ASH1L: variants seen among roughly 807,000 people sequenced by gnomAD.
ASH1L encodes ASH1 like histone lysine methyltransferase.
In ASH1L, 23 loss-of-function variants were observed where a neutral mutation model predicts 269.0. That is an observed-to-expected ratio of 0.09 (90% CI 0.06 to 0.12). ASH1L has a LOEUF of 0.12. ASH1L is among the 10% of genes least tolerant of loss of function. The probability of loss-of-function intolerance (pLI) is 1.00; values close to 1 mark genes in which losing one functional copy is unlikely to be tolerated. For missense variants in ASH1L, 2,912 were observed against 3,567.8 expected, an observed-to-expected ratio of 0.82 and a Z score of 4.68; for synonymous variants, 1,187 against 1,253.5, an observed-to-expected ratio of 0.95 and a Z score of 1.12.
chr1:155,498,574 T>C (rs185921754), intron 2 of ASH1L, among the ~76,000 whole-genome samples: 31 of 152,184 alleles, frequency 2.0e-4, no homozygotes, highest in African/African-American at 6.0e-4. Context: ...TCCAAGTAGC[T>C]GGGATTACAG....
intron 17 of ASH1L, among the ~76,000 whole-genome samples, chr1:155,350,852 C>T (rs990829722): frequency 3.4e-5 from 5 of 145,830 alleles, no homozygotes; most frequent in South Asian, 2.2e-4. Flanking sequence ...AGCCGGGAGG[C>T]GGAGGTTGCA....
intron 2 of ASH1L, among the ~76,000 whole-genome samples, chr1:155,483,320 G>T (rs1426862035): frequency 6.6e-6 from 1 of 152,110 alleles, no homozygotes; most frequent in Non-Finnish European, 1.5e-5. Flanking sequence ...AATACCAACA[G>T]ATTTCTTTGG....
chr1:155,348,941 CACACAT>C (rs1242728607), intron 19 of ASH1L, among the ~76,000 whole-genome samples: 2 of 148,924 alleles, frequency 1.3e-5, no homozygotes, highest in Non-Finnish European at 3.0e-5. Context: ...CACACACACA[CACACAT>C]ATAAACATTT....
At chr1:155,515,902 A>G (rs1365210660) in intron 2 of ASH1L, among the ~76,000 whole-genome samples, 1 of 151,812 alleles carries the variant, frequency 6.6e-6, no homozygotes, top group Non-Finnish European at 1.5e-5. Context: ...CTATATATAC[A>G]TATATATCAA....
chr1:155,450,814 A>G (rs989532706), intron 4 of ASH1L, among the ~76,000 whole-genome samples: 11 of 152,214 alleles, frequency 7.2e-5, no homozygotes, highest in African/African-American at 2.2e-4. Context: ...CCATTTATAA[A>G]CAAATAACAA....
At chr1:155,527,007 G>A (rs1669306015) in intron 1 of ASH1L, among the ~76,000 whole-genome samples, 1 of 152,186 alleles carries the variant, frequency 6.6e-6, no homozygotes, top group Non-Finnish European at 1.5e-5. Flanking sequence ...AGATACTCAA[G>A]ACCAGCTTGG....
chr1:155,440,047 C>T (rs1371570322), intron 4 of ASH1L, among the ~76,000 whole-genome samples: 1 of 151,944 alleles, frequency 6.6e-6, no homozygotes. Context: ...CGGTGGCTCA[C>T]ACTGGTACTC....
At chr1:155,519,125 G>C (rs1012424562) in intron 2 of ASH1L, among the ~76,000 whole-genome samples, 1 of 152,136 alleles carries the variant, frequency 6.6e-6, no homozygotes, top group Non-Finnish European at 1.5e-5. Context: ...ATTCCATCAA[G>C]AGATGAATGG....
At chr1:155,420,557 T>TA (rs958222875) in intron 5 of ASH1L, among the ~76,000 whole-genome samples, 169 of 143,312 alleles carry the variant, frequency 1.2e-3, no homozygotes, top group African/African-American at 3.3e-3. Flanking sequence ...ACAATGAATT[T>TA]AAAAAAAAAA....
Position 155,487,483 on chromosome 1 carries a change from T to C in ASH1L, c.421-5034A>G, listed in dbSNP as rs541497800. On this transcript the variant is annotated intron_variant, in intron 2 of 27. Coordinates refer to ENST00000392403, the MANE Select transcript of ASH1L (RefSeq NM_018489.3). ...TCTAAGCTTAAGTGATCCTCCCACC[T>C]CAGCCTCCCAAGTCTGGGACTGCAG... Among the ~76,000 whole-genome samples the C allele has an allele frequency of 3.3e-5, 5 of 152,238 alleles. No individual in the cohort carries two copies. The South Asian group carries it at 1.0e-3, about 32-fold the overall frequency.
intron 4 of ASH1L, among the ~76,000 whole-genome samples, chr1:155,441,115 T>C (rs1322731818): frequency 6.6e-6 from 1 of 152,202 alleles, no homozygotes; most frequent in Non-Finnish European, 1.5e-5. Flanking sequence ...CCTGAAGCAA[T>C]AGTGTAATTC....
At chr1:155,484,438 A>C (rs552269421) in intron 2 of ASH1L, among the ~76,000 whole-genome samples, 1 of 152,276 alleles carries the variant, frequency 6.6e-6, no homozygotes, top group Non-Finnish European at 1.5e-5. Context: ...CAGTGAGCCG[A>C]GATTGCGCCA....
chr1:155,479,036 C>G lies in ASH1L; in HGVS notation c.3834G>C (p.Gln1278His). The G allele has an allele frequency of 2.5e-6, 4 of 1,613,864 alleles. No homozygotes were observed. The highest frequency in any genetic ancestry group is 3.4e-6 in the Non-Finnish European group (4 of 1,180,012). The change falls in exon 3 of 28, where the codon CAG (glutamine) becomes CAC (histidine). Residue 1278 changes from glutamine to histidine, a missense_variant. Around this residue, in one of 13 missense-constraint regions of ASH1L, gnomAD observed 789 missense variants for 897.6 expected, o/e 0.88. Transcript: ENST00000392403. ...QKRKRKKKYPQLRNRQDPDFI... is the reference protein window; with the variant it reads ...QKRKRKKKYPHLRNRQDPDFI... ...AGTCTGGATCCTGTCTATTTCGAAG[C>G]TGGGGATATTTCTTTTTCCGTTTTC...
At chr1:155,464,718 T>A (rs1206552855) in intron 3 of ASH1L, among the ~76,000 whole-genome samples, 1 of 152,102 alleles carries the variant, frequency 6.6e-6, no homozygotes, top group African/African-American at 2.4e-5. Flanking sequence ...AACTTGCAAA[T>A]GTGAAGGAAC....
chr1:155,427,986 C>T (rs1011105897), intron 5 of ASH1L, among the ~76,000 whole-genome samples: 2 of 152,178 alleles, frequency 1.3e-5, no homozygotes, highest in African/African-American at 4.8e-5. Flanking sequence ...AACCAGTATA[C>T]TCCCCATGAC....
At chr1:155,544,963 G>T (rs112476374) in intron 1 of ASH1L, among the ~76,000 whole-genome samples, 1,603 of 150,694 alleles carry the variant, frequency 0.011, 39 homozygotes, top group African/African-American at 0.038. Context: ...ACCTGAGGTC[G>T]GGAGTTCGAG....
intron 2 of ASH1L, among the ~76,000 whole-genome samples, chr1:155,508,090 A>G (rs757948125): frequency 1.6e-4 from 25 of 152,040 alleles, no homozygotes; most frequent in Non-Finnish European, 2.8e-4. Flanking sequence ...TAAATGCTGG[A>G]AAGAAATGTA....
At chr1:155,543,775 T>C (rs1670609125) in intron 1 of ASH1L, among the ~76,000 whole-genome samples, 1 of 151,412 alleles carries the variant, frequency 6.6e-6, no homozygotes, top group Non-Finnish European at 1.5e-5. Context: ...CTACAAAAAA[T>C]TTAAAAATTA....
intron 7 of ASH1L, among the ~76,000 whole-genome samples, chr1:155,384,492 T>G (rs1036401765): frequency 5.3e-5 from 8 of 151,332 alleles, no homozygotes; most frequent in Admixed American, 4.0e-4. Context: ...TTTTTTTTTG[T>G]TTTTTTTATT....
Sources: gnomAD v4.1 joint callset for allele counts (sites outside exome capture counted in the v4.1 genomes callset) on GRCh38, gnomAD v4.1.1 for gene constraint, gnomAD v4.1.1 regional missense constraint, MANE v1.5 for transcripts, NCBI Gene and HGNC (gene_info 2026-07-23, HGNC 2026-07-21) for gene names.